The following HIBADH variants were observed in gnomAD, a reference collection of about 807,000 sequenced individuals.
HIBADH encodes the protein 3-hydroxyisobutyrate dehydrogenase, mitochondrial.
A neutral mutation model predicts 36.1 loss-of-function variants in HIBADH; 25 were observed. The ratio of observed to expected loss-of-function variants is 0.69; its 90% CI spans 0.50 to 0.97. HIBADH has a LOEUF of 0.97. HIBADH is among the 50% of genes least tolerant of loss of function. The pLI is 0.00. For missense variants in HIBADH, 421 were observed against 418.0 expected (o/e 1.01, Z -0.06); for synonymous variants, 160 against 149.5 (o/e 1.07, Z -0.51).
chr7:27,593,578 A>G (rs747105710), intron 4 of HIBADH, among the ~76,000 whole-genome samples: 15 of 152,224 alleles, frequency 9.9e-5, no homozygotes, highest in Non-Finnish European at 1.9e-4. Context: ...GATTAACTCA[A>G]TAAAAGCATT....
chr7:27,639,719 G>A (rs1785925905), intron 2 of HIBADH, among the ~76,000 whole-genome samples: 2 of 150,828 alleles, frequency 1.3e-5, no homozygotes, highest in South Asian at 4.2e-4. Flanking sequence ...ACTTCCCTCT[G>A]ATTTTGTTTT....
chr7:27,588,700 A>ATT (rs1214269943), intron 4 of HIBADH, among the ~76,000 whole-genome samples: 2 of 152,210 alleles, frequency 1.3e-5, no homozygotes, highest in Non-Finnish European at 2.9e-5. Flanking sequence ...TACTAACTCT[A>ATT]TAATTTTGCT....
At chr7:27,638,365 T>C (rs1290403811) in intron 2 of HIBADH, among the ~76,000 whole-genome samples, 2 of 125,488 alleles carry the variant, frequency 1.6e-5, no homozygotes, top group Non-Finnish European at 3.3e-5. Context: ...ATTCAATAAA[T>C]GGTGCTGGAA....
chr7:27,569,679 C>T (rs535291179), intron 4 of HIBADH, among the ~76,000 whole-genome samples: 2 of 152,188 alleles, frequency 1.3e-5, no homozygotes, highest in East Asian at 3.9e-4. Flanking sequence ...CTCCATCCCC[C>T]ACTGCCACCC....
chr7:27,534,562 C>T (rs62454852), intron 6 of HIBADH, among the ~76,000 whole-genome samples: 14,376 of 152,108 alleles, frequency 0.095, 958 homozygotes, highest in Non-Finnish European at 0.14. Context: ...CACTCACTCC[C>T]CTACCTCCTC....
At chr7:27,535,672 T>C (rs376291596) in intron 6 of HIBADH, among the ~76,000 whole-genome samples, 1 of 152,102 alleles carries the variant, frequency 6.6e-6, no homozygotes, top group East Asian at 1.9e-4. Context: ...CTAATGCCTA[T>C]GTAGGAATCC....
At chr7:27,607,033 T>C (rs77032744) in intron 4 of HIBADH, among the ~76,000 whole-genome samples, 4,358 of 152,280 alleles carry the variant, frequency 0.029, 221 homozygotes, top group African/African-American at 0.099. Context: ...ATGTAGACTT[T>C]TCCTATTAGC....
chr7:27,530,005 G>A (rs1200826420), intron 7 of HIBADH, among the ~76,000 whole-genome samples: 2 of 152,172 alleles, frequency 1.3e-5, no homozygotes, highest in African/African-American at 2.4e-5. Flanking sequence ...TTTAGCAATA[G>A]AGCATTTTAA....
In HIBADH at chr7:27,557,938, T is replaced by C. The variant is rs1195783445; in HGVS notation, c.485-14838A>G. Among the ~76,000 whole-genome samples, 5 of 152,358 alleles carry C rather than the reference T, an allele frequency of 3.3e-5. No homozygotes were observed. In the East Asian group the frequency reaches 9.6e-4, roughly 29 times the overall value. ...TACTTTGTTCCTTCTTAGTAATGGC[T>C]GTCTGAATATCTCTGGTCGTTGGAA... On this transcript the variant is annotated intron_variant, in intron 4 of 7. Transcript: ENST00000265395.
intron 4 of HIBADH, among the ~76,000 whole-genome samples, chr7:27,613,746 C>T (rs1330523384): frequency 6.6e-6 from 1 of 151,640 alleles, no homozygotes; most frequent in Non-Finnish European, 1.5e-5. Context: ...GCAACCTCCA[C>T]CTTCCAGGTT....
At chr7:27,604,907 T>C (rs990861607) in intron 4 of HIBADH, among the ~76,000 whole-genome samples, 11 of 152,138 alleles carry the variant, frequency 7.2e-5, no homozygotes, top group African/African-American at 2.4e-4. Flanking sequence ...GTTGTGCACA[T>C]TAAGAAGCCT....
In HIBADH at chr7:27,525,629, G is replaced by A. The variant is rs1053922424; in HGVS notation, c.*585C>T. The A allele has an allele frequency of 2.0e-5, 3 of 152,166 alleles. No homozygotes were observed. Among genetic ancestry groups the A allele is most frequent in the African/African-American group, 4.8e-5 (2 of 41,438 alleles). The allele number at this position is 152,166 out of a possible 1,614,324, so 9.4% of individuals were successfully genotyped here. ...TATAAAAACAAGTCTGCTGAGTGTC[G>A]GGAGTTGGTGAGGGATATCCTACCA... On this transcript the variant is annotated 3_prime_UTR_variant, in exon 8 of 8. Transcript: ENST00000265395.
At chr7:27,613,465 G>A (rs1377341585) in intron 4 of HIBADH, among the ~76,000 whole-genome samples, 1 of 151,244 alleles carries the variant, frequency 6.6e-6, no homozygotes, top group Non-Finnish European at 1.5e-5. Context: ...TAAAGAATAT[G>A]TACTAAGGAA....
intron 4 of HIBADH, among the ~76,000 whole-genome samples, chr7:27,611,510 ACC>A (rs869109607): frequency 3.9e-5 from 2 of 51,432 alleles, no homozygotes; most frequent in African/African-American, 7.4e-5. Context: ...ACACACACAC[ACC>A]CACCCACCCA....
rs1783892213 is a variant in HIBADH at position 27,526,133 on chromosome 7, C to T, written c.*81G>A. Reference sequence around the variant, plus strand: ...GCAGATAGGTGACCTTTGATTAAATCCATTTACTTGTGGAGTGAGCTAAAA... The same window carrying T: ...GCAGATAGGTGACCTTTGATTAAATTCATTTACTTGTGGAGTGAGCTAAAA... On this transcript the variant is annotated 3_prime_UTR_variant, in exon 8 of 8. Coordinates refer to ENST00000265395, the MANE Select transcript of HIBADH (RefSeq NM_152740.4). 1 of 1,221,460 alleles carries T rather than the reference C, an allele frequency of 8.2e-7. No individual in the cohort carries two copies. The highest frequency in any genetic ancestry group is 1.9e-5 in the South Asian group (1 of 51,672). The allele number at this position is 1,221,460 out of a possible 1,614,324, so 75.7% of individuals were successfully genotyped here.
intron 4 of HIBADH, among the ~76,000 whole-genome samples, chr7:27,628,830 T>C (rs1408117626): frequency 1.3e-5 from 2 of 152,090 alleles, no homozygotes; most frequent in Non-Finnish European, 2.9e-5. Flanking sequence ...TTTTATAACA[T>C]TTCTATCTGG....
At chr7:27,624,519 A>C (rs1583604887) in intron 4 of HIBADH, among the ~76,000 whole-genome samples, 1 of 152,340 alleles carries the variant, frequency 6.6e-6, no homozygotes, top group South Asian at 2.1e-4. Flanking sequence ...ACCCACCCCC[A>C]AATTTAGTGG....
At chr7:27,579,179 T>A (rs1323919583) in intron 4 of HIBADH, among the ~76,000 whole-genome samples, 1 of 152,186 alleles carries the variant, frequency 6.6e-6, no homozygotes, top group East Asian at 1.9e-4. Flanking sequence ...ATATATTAGA[T>A]GGCACTGAAT....
chr7:27,653,240 T>C (rs1786230527), intron 1 of HIBADH, among the ~76,000 whole-genome samples: 2 of 152,050 alleles, frequency 1.3e-5, no homozygotes. Flanking sequence ...AAGACAGGTA[T>C]AAAAACTATT....
Sources: gnomAD v4.1 joint callset for allele counts (sites outside exome capture counted in the v4.1 genomes callset) on GRCh38, gnomAD v4.1.1 for gene constraint, MANE v1.5 for transcripts, NCBI Gene and HGNC (gene_info 2026-07-23, HGNC 2026-07-21) for gene names.